DOCK5: variants seen among roughly 807,000 people sequenced by gnomAD.
The protein encoded by DOCK5 is dedicator of cytokinesis 5.
DOCK5 carries 142 observed loss-of-function variants against 251.8 expected under a neutral mutation model. That is an observed-to-expected ratio of 0.56 (90% confidence interval 0.49 to 0.65). The LOEUF (loss-of-function observed/expected upper bound fraction) is 0.65, where lower values mean the gene tolerates loss of function less well. Among genes scored for constraint, DOCK5 ranks in the 30% least tolerant of loss-of-function variants. The pLI is 0.00. For synonymous variants in DOCK5, 842 were observed against 835.5 expected, an observed-to-expected ratio of 1.01 and a Z score of -0.13; for missense variants, 2,111 against 2,312.3, an observed-to-expected ratio of 0.91 and a Z score of 1.79.
At position 25,401,721 on chromosome 8, in the gene DOCK5, G is replaced by C. The variant is rs553878350; in HGVS notation, c.4926+655G>C. On this transcript the variant is annotated intron_variant, in intron 47 of 51. Coordinates refer to ENST00000276440, the MANE Select transcript of DOCK5 (RefSeq NM_024940.8). ...TGCACTCCAGCCTGGGCGACAGAGC[G>C]AGACTCTATCTCAAAACAAACAAAC... is the stretch of plus-strand genomic sequence containing the variant. Among the ~76,000 whole-genome samples the C allele has an allele frequency of 3.3e-5, 5 of 152,282 alleles. No individual in the cohort carries two copies. In the South Asian group the frequency reaches 8.3e-4, roughly 25 times the overall value.
chr8:25,386,096 A>G (rs1801160064), intron 40 of DOCK5, among the ~76,000 whole-genome samples: 1 of 152,116 alleles, frequency 6.6e-6, no homozygotes. Context: ...GTGTTTGCAA[A>G]GTTTGGTTTT....
chr8:25,351,856 C>A, intron 27 of DOCK5, 30 bp downstream of exon 27: 1 of 1,593,018 alleles, frequency 6.3e-7, no homozygotes, highest in Non-Finnish European at 8.6e-7. Flanking sequence ...ATCCCACGGC[C>A]GCTGCTGTTT....
At chr8:25,244,887 G>A (rs144550968) in intron 2 of DOCK5, among the ~76,000 whole-genome samples, 9 of 152,288 alleles carry the variant, frequency 5.9e-5, no homozygotes, top group Admixed American at 3.9e-4. Flanking sequence ...GGGGCAGAGA[G>A]AAGACAGAGA....
intron 19 of DOCK5, 87 bp from the exon 20 acceptor site, chr8:25,332,514 CTT>C: frequency 7.9e-7 from 1 of 1,262,146 alleles, no homozygotes; most frequent in Non-Finnish European, 1.1e-6. Flanking sequence ...TTTTAAACCT[CTT>C]TGATTTAAAC....
In DOCK5 at chr8:25,346,696, C is replaced by T. The variant is rs891433543; in HGVS notation, c.2754+1085C>T. On this transcript the variant is annotated intron_variant, in intron 26 of 51. Transcript: ENST00000276440. ...AAAATTAGCTGGGCGTGGTGGCACG[C>T]GCCTATAGTCCCAGCTACTCGGGAG... 7.7e-5 allele frequency among the ~76,000 whole-genome samples: 8 copies of T among 103,266 alleles called. 1 individual carries two copies. Among genetic ancestry groups the T allele is most frequent in the African/African-American group, 1.2e-4 (3 of 25,396 alleles). 67.7% of individuals were successfully genotyped at this position (103,266 alleles called of 152,430 possible).
At chr8:25,197,472 C>T (rs996316230) in intron 1 of DOCK5, among the ~76,000 whole-genome samples, 10 of 151,822 alleles carry the variant, frequency 6.6e-5, no homozygotes, top group Non-Finnish European at 1.0e-4. Flanking sequence ...CCAAATGTGC[C>T]GTTTGCTCTC....
intron 1 of DOCK5, among the ~76,000 whole-genome samples, chr8:25,229,381 T>C (rs1362511099): frequency 6.6e-6 from 1 of 151,900 alleles, no homozygotes; most frequent in African/African-American, 2.4e-5. Context: ...ACTCTGGAGG[T>C]GAGGCAGGAG....
At chr8:25,296,947 ACT>A (rs1408076341) in intron 7 of DOCK5, among the ~76,000 whole-genome samples, 1 of 152,186 alleles carries the variant, frequency 6.6e-6, no homozygotes, top group Non-Finnish European at 1.5e-5. Flanking sequence ...ACATAGACTA[ACT>A]CTGAAATAAT....
chr8:25,326,132 C>G (rs1334953331), intron 18 of DOCK5, among the ~76,000 whole-genome samples: 1 of 152,094 alleles, frequency 6.6e-6, no homozygotes, highest in Non-Finnish European at 1.5e-5. Flanking sequence ...ATGACATGTG[C>G]TAGCCAATAT....
At chr8:25,317,217 T>G in intron 14 of DOCK5, 86 bp downstream of exon 14, 1 of 1,556,890 alleles carries the variant, frequency 6.4e-7, no homozygotes, top group Non-Finnish European at 8.7e-7. Flanking sequence ...TAATTCTTCT[T>G]TGCATCAGGA....
intron 42 of DOCK5, 117 bp from the exon 43 acceptor site, chr8:25,391,779 G>A: frequency 1.3e-6 from 1 of 747,830 alleles, no homozygotes; most frequent in Non-Finnish European, 2.1e-6. Flanking sequence ...TTGATTATGA[G>A]ATAGCTTAGT....
intron 8 of DOCK5, among the ~76,000 whole-genome samples, chr8:25,299,936 T>C (rs1485033376): frequency 6.6e-6 from 1 of 152,190 alleles, no homozygotes; most frequent in African/African-American, 2.4e-5. Context: ...TCTTTTTTTA[T>C]CTTTTATTTA....
At chr8:25,386,367 G>A (rs1224751139) in intron 40 of DOCK5, among the ~76,000 whole-genome samples, 1 of 152,186 alleles carries the variant, frequency 6.6e-6, no homozygotes, top group African/African-American at 2.4e-5. Context: ...TCTTGCTTGA[G>A]CCCAGGAGTT....
chr8:25,197,971 C>A (rs1012886654), intron 1 of DOCK5, among the ~76,000 whole-genome samples: 6 of 151,928 alleles, frequency 3.9e-5, no homozygotes, highest in African/African-American at 1.5e-4. Flanking sequence ...AGGATGGTCT[C>A]GATCTCCTGA....
At chr8:25,300,337 A>G (rs901922500) in intron 8 of DOCK5, among the ~76,000 whole-genome samples, 4 of 152,194 alleles carry the variant, frequency 2.6e-5, no homozygotes, top group African/African-American at 9.7e-5. Context: ...GGTTTCCTGC[A>G]TCTGTGTGGG....
At chr8:25,185,605 G>A (rs772558641) in intron 1 of DOCK5, among the ~76,000 whole-genome samples, 1 of 152,290 alleles carries the variant, frequency 6.6e-6, no homozygotes, top group Admixed American at 6.5e-5. Flanking sequence ...CCCTAACGGA[G>A]CCTGTCTGGA....
chr8:25,226,217 T>C (rs1802526203), intron 1 of DOCK5, among the ~76,000 whole-genome samples: 1 of 151,320 alleles, frequency 6.6e-6, no homozygotes, highest in Non-Finnish European at 1.5e-5. Flanking sequence ...TCCTCCACAC[T>C]AGTCTTAATG....
chr8:25,281,913 C>G (rs905821842), intron 5 of DOCK5, among the ~76,000 whole-genome samples: 2 of 151,302 alleles, frequency 1.3e-5, no homozygotes, highest in Non-Finnish European at 2.9e-5. Context: ...AAAAAGCCAT[C>G]CCCTCTTCGA....
At chr8:25,294,432 G>A (rs1025824009) in intron 6 of DOCK5, among the ~76,000 whole-genome samples, 6 of 152,172 alleles carry the variant, frequency 3.9e-5, no homozygotes, top group Non-Finnish European at 8.8e-5. Context: ...TTGCTCTTTG[G>A]TACCGGGAAT....
Sources: allele counts gnomAD v4.1 joint callset (sites outside exome capture counted in the v4.1 genomes callset), GRCh38; gene constraint gnomAD v4.1.1; transcripts MANE v1.5; gene names NCBI Gene and HGNC (gene_info 2026-07-23, HGNC 2026-07-21).